Variants in ELAPOR2 observed in about 807,000 individuals in gnomAD.
ELAPOR2 encodes endosome/lysosome-associated apoptosis and autophagy regulator family member 2.
In ELAPOR2, 89 loss-of-function variants were observed where a neutral mutation model predicts 120.7. The ratio of observed to expected loss-of-function variants is 0.74; its 90% CI spans 0.62 to 0.88. The LOEUF is 0.88. Among genes scored for constraint, ELAPOR2 ranks in the 40% least tolerant of loss-of-function variants. The probability of loss-of-function intolerance (pLI) is 0.00; values close to 1 mark genes in which losing one functional copy is unlikely to be tolerated. For synonymous variants in ELAPOR2, 444 were observed against 444.9 expected (o/e 1.00, Z 0.03); for missense variants, 1,134 against 1,251.6 (o/e 0.91, Z 1.42).
chr7:86,916,899 C>A (rs1386672404), intron 12 of ELAPOR2, among the ~76,000 whole-genome samples: 1 of 150,962 alleles, frequency 6.6e-6, no homozygotes, highest in Admixed American at 6.6e-5. Context: ...AGGATTAAAG[C>A]TCCCAAGTAG....
intron 3 of ELAPOR2, among the ~76,000 whole-genome samples, chr7:86,946,677 G>A (rs1392900304): frequency 6.6e-6 from 1 of 152,116 alleles, no homozygotes; most frequent in African/African-American, 2.4e-5. Context: ...ATGAGCCACC[G>A]CCGCACTGGC....
chr7:86,891,772 A>G lies in ELAPOR2; in HGVS notation c.2982T>C (p.Tyr994=), dbSNP rs1291819870. 1 of 1,612,178 alleles carries G rather than the reference A, an allele frequency of 6.2e-7. No individual in the cohort carries two copies. The highest frequency in any genetic ancestry group is 1.7e-5 in the Admixed American group (1 of 59,870). ...TTCCTAGTAGTGACTGTTTATTGGAATATACAACTTCCTCTTCATTATCTT... is the reference window on the plus strand; with the variant it reads ...TTCCTAGTAGTGACTGTTTATTGGAGTATACAACTTCCTCTTCATTATCTT... ...EGEDNEEEVV[Y]SNKQSLLGKL... Residue 994 remains tyrosine, a synonymous_variant, in exon 21 of 22, where the codon TAT becomes TAC. Coordinates refer to ENST00000450689, the MANE Select transcript of ELAPOR2 (RefSeq NM_001142749.3).
At chr7:86,919,649 G>A (rs1789732916) in intron 10 of ELAPOR2, 1 of 168,276 alleles carries the variant, frequency 5.9e-6, no homozygotes, top group Non-Finnish European at 1.3e-5. Context: ...CAACCAATGT[G>A]CAATAGAAAC....
intron 8 of ELAPOR2, among the ~76,000 whole-genome samples, chr7:86,935,303 C>T (rs1235317484): frequency 6.6e-6 from 1 of 151,994 alleles, no homozygotes; most frequent in Non-Finnish European, 1.5e-5. Flanking sequence ...GTCACACATC[C>T]TTTTAGTTCT....
chr7:86,880,367 A>G lies in ELAPOR2; in HGVS notation c.*104T>C, dbSNP rs778359800. 29 of 835,558 alleles carry G rather than the reference A, an allele frequency of 3.5e-5. No individual in the cohort carries two copies. The highest frequency in any genetic ancestry group is 5.9e-5 in the Non-Finnish European group (29 of 493,724). The allele number at this position is 835,558 out of a possible 1,614,324, so 51.8% of individuals were successfully genotyped here. A position where few individuals can be genotyped will look rare whatever the true frequency, so the allele number is the denominator to read the frequency against. ...TTCAGCGGCATGGCCCTCCTCTGTG[A>G]GATCACCAATGTGACAGGTATGAGG... On this transcript the variant is annotated 3_prime_UTR_variant, in exon 22 of 22. Transcript: ENST00000450689.
At chr7:87,011,528 T>C (rs531280388) in intron 1 of ELAPOR2, among the ~76,000 whole-genome samples, 14 of 152,368 alleles carry the variant, frequency 9.2e-5, no homozygotes, top group African/African-American at 3.4e-4. Flanking sequence ...CTCTTTTTAA[T>C]ACAAATACTC....
intron 1 of ELAPOR2, among the ~76,000 whole-genome samples, chr7:87,039,613 A>C (rs1240624448): frequency 6.6e-6 from 1 of 152,222 alleles, no homozygotes; most frequent in East Asian, 1.9e-4. Context: ...TACGCAAATA[A>C]ATCAATGTGA....
intron 1 of ELAPOR2, among the ~76,000 whole-genome samples, chr7:86,983,124 A>G (rs1394754158): frequency 6.6e-6 from 1 of 152,190 alleles, no homozygotes; most frequent in African/African-American, 2.4e-5. Context: ...GAGCAAGAAG[A>G]GAAGTTTAGA....
In ELAPOR2 at chr7:86,912,062, C is replaced by T. The variant is rs1352709886; in HGVS notation, c.2169+10G>A. On this transcript the variant is annotated intron_variant, in intron 15 of 21. Coordinates refer to ENST00000450689, the MANE Select transcript of ELAPOR2 (RefSeq NM_001142749.3). ...TATAGGTCCATCTCACCTTGACAGC[C>T]AGAACTCACCTCATGCCCACATAAA... 6.3e-7 allele frequency: 1 copy of T among 1,595,294 alleles called. No homozygotes were observed. Among genetic ancestry groups the T allele is most frequent in the South Asian group, 1.1e-5 (1 of 90,226 alleles).
chr7:86,919,177 T>TC (rs756826151), intron 11 of ELAPOR2, 43 bp downstream of exon 11: 1 of 1,372,728 alleles, frequency 7.3e-7, no homozygotes, highest in South Asian at 1.2e-5. Context: ...GGGAAACAGG[T>TC]GTAAGGATTC....
At chr7:87,021,401 T>C (rs539309334) in intron 1 of ELAPOR2, among the ~76,000 whole-genome samples, 1 of 152,276 alleles carries the variant, frequency 6.6e-6, no homozygotes, top group African/African-American at 2.4e-5. Flanking sequence ...GCCTAATATA[T>C]TGTAAATCTC....
At position 86,893,095 on chromosome 7, in the gene ELAPOR2, G is replaced by T; in HGVS notation, c.2691C>A (p.Thr897=). The T allele has an allele frequency of 6.5e-7, 1 of 1,528,534 alleles. No individual in the cohort carries two copies. The highest frequency in any genetic ancestry group is 8.7e-7 in the Non-Finnish European group (1 of 1,149,622). The allele number at this position is 1,528,534 out of a possible 1,614,324, so 94.7% of individuals were successfully genotyped here. A position where few individuals can be genotyped will look rare whatever the true frequency, so the allele number is the denominator to read the frequency against. Residue 897 remains threonine, a synonymous_variant, in exon 20 of 22, where the codon ACC becomes ACA. Transcript: ENST00000450689. ...EGACKRGFQE[T]LYVWNEPKWC... ...ATTTAGGTTCATTCCACACATACAA[G>T]GTTTCCTTTAAAAAAAAAAACATAA...
chr7:87,019,452 C>T lies in ELAPOR2; in HGVS notation c.189+39873G>A, dbSNP rs921400150. Among the ~76,000 whole-genome samples, 6 of 152,104 alleles carry T rather than the reference C, an allele frequency of 3.9e-5. 1 individual carries two copies. The highest frequency in any genetic ancestry group is 7.2e-5 in the African/African-American group (3 of 41,416). On this transcript the variant is annotated intron_variant, in intron 1 of 21. Transcript: ENST00000450689. ...ATGCTGGGATTAAAGGAATGAGCCA[C>T]GATGCCCAGCCCATTATATTTTTCA...
intron 15 of ELAPOR2, chr7:86,911,807 C>T (rs1789323240): frequency 1.8e-6 from 1 of 562,372 alleles, no homozygotes; most frequent in Non-Finnish European, 3.3e-6. Context: ...ACAAAACATC[C>T]TCAAAGCACT....
At chr7:87,050,017 C>T (rs552281679) in intron 1 of ELAPOR2, among the ~76,000 whole-genome samples, 2 of 152,284 alleles carry the variant, frequency 1.3e-5, no homozygotes, top group East Asian at 3.9e-4. Context: ...TGCCCTTGGC[C>T]TTTTACCGTG....
chr7:86,973,438 TATG>T (rs1285890346), intron 1 of ELAPOR2, among the ~76,000 whole-genome samples: 4 of 152,186 alleles, frequency 2.6e-5, no homozygotes, highest in African/African-American at 7.2e-5. Context: ...TGGAAATCTG[TATG>T]ATAACAAATC....
chr7:87,035,863 T>C (rs893735302), intron 1 of ELAPOR2, among the ~76,000 whole-genome samples: 8 of 152,264 alleles, frequency 5.3e-5, no homozygotes, highest in African/African-American at 1.9e-4. Flanking sequence ...CCCATTATTC[T>C]AGCCTTTTGA....
chr7:86,937,504 G>A (rs1790612334), intron 8 of ELAPOR2, among the ~76,000 whole-genome samples: 1 of 152,070 alleles, frequency 6.6e-6, no homozygotes, highest in Admixed American at 6.6e-5. Context: ...ATTAAGAGGA[G>A]AGCAGGTCAA....
At chr7:86,939,984 T>C (rs1440330874) in intron 6 of ELAPOR2, 26 bp downstream of exon 6, 1 of 1,418,638 alleles carries the variant, frequency 7.0e-7, no homozygotes, top group South Asian at 1.2e-5. Context: ...GACTGGTGAC[T>C]ACTAAAACAG....
Sources: allele counts gnomAD v4.1 joint callset (sites outside exome capture counted in the v4.1 genomes callset), GRCh38; gene constraint gnomAD v4.1.1; transcripts MANE v1.5; gene names NCBI Gene and HGNC (gene_info 2026-07-23, HGNC 2026-07-21).